The following NPAT variants were observed in gnomAD, a reference collection of about 807,000 sequenced individuals.
The protein encoded by NPAT is protein NPAT.
NPAT carries 52 observed loss-of-function variants against 130.7 expected under a neutral mutation model. The ratio of observed to expected loss-of-function variants is 0.40; its 90% CI spans 0.32 to 0.50. The LOEUF (loss-of-function observed/expected upper bound fraction) is 0.50, where lower values mean the gene tolerates loss of function less well. Among genes scored for constraint, NPAT ranks in the 20% least tolerant of loss-of-function variants. NPAT has a pLI of 0.68. For missense variants in NPAT, 1,687 were observed against 1,662.6 expected (o/e 1.01, Z -0.26); for synonymous variants, 580 against 584.8 (o/e 0.99, Z 0.12).
Position 108,186,588 on chromosome 11 carries a change from G to C in NPAT, c.639-19C>G. 1.3e-6 allele frequency: 2 copies of C among 1,597,172 alleles called. No individual in the cohort carries two copies. Among genetic ancestry groups the C allele is most frequent in the African/African-American group, 1.3e-5 (1 of 74,672 alleles). On this transcript the variant is annotated intron_variant, in intron 7 of 17. Transcript: ENST00000278612. ...AGATTCACTGAAACACATTTTAAAA[G>C]CTTTTCTTTTAACCACTATATTTAA...
At chr11:108,188,404 CA>C (rs1214840092) in intron 6 of NPAT, among the ~76,000 whole-genome samples, 1 of 151,828 alleles carries the variant, frequency 6.6e-6, no homozygotes, top group African/African-American at 2.4e-5. Flanking sequence ...ATAGTCTCAA[CA>C]AAAAATAATA....
chr11:108,222,205 C>T (rs2078520478), intron 1 of NPAT, among the ~76,000 whole-genome samples: 1 of 152,158 alleles, frequency 6.6e-6, no homozygotes, highest in East Asian at 1.9e-4. Flanking sequence ...TTTCAGGGGT[C>T]CTAATTAAGT....
chr11:108,194,138 G>A (rs1446682688), intron 2 of NPAT, 121 bp from the exon 3 acceptor site: 1 of 633,768 alleles, frequency 1.6e-6, no homozygotes, highest in Non-Finnish European at 2.8e-6. Context: ...GATGAGGAAA[G>A]GGTAAAGAAG....
intron 10 of NPAT, among the ~76,000 whole-genome samples, chr11:108,184,628 T>C (rs903486278): frequency 1.3e-5 from 2 of 152,142 alleles, no homozygotes; most frequent in African/African-American, 4.8e-5. Context: ...CCCTCCCAGA[T>C]TCAAGGATTC....
In NPAT at chr11:108,172,277, G is replaced by C. The variant is rs370029607; in HGVS notation, c.2707C>G (p.Pro903Ala). ...NSAPMTAQPL[P>A]PQLQTPPRSN... Reference sequence around the variant, plus strand: ...CTTGGTGGTGTCTGTAACTGAGGTGGTAGAGGTTGAGCAGTCATAGGTGCA... The same window carrying C: ...CTTGGTGGTGTCTGTAACTGAGGTGCTAGAGGTTGAGCAGTCATAGGTGCA... Residue 903 changes from proline (P) to alanine (A), a missense_variant, in exon 13 of 18, where the codon CCA becomes GCA. Around this residue, in one of 3 missense-constraint regions of NPAT, gnomAD observed 1,379 missense variants for 1,346.6 expected, o/e 1.02. Transcript: ENST00000278612. The C allele has an allele frequency of 3.5e-5, 57 of 1,613,886 alleles. No homozygotes were observed. Among genetic ancestry groups the C allele is most frequent in the Non-Finnish European group, 4.8e-5 (57 of 1,179,854 alleles).
intron 10 of NPAT, among the ~76,000 whole-genome samples, chr11:108,181,283 G>C (rs1451951267): frequency 6.6e-6 from 1 of 152,168 alleles, no homozygotes; most frequent in Non-Finnish European, 1.5e-5. Context: ...GGCCGACATG[G>C]CAAAACCCTG....
In NPAT at chr11:108,222,616, C is replaced by A; in HGVS notation, c.-80G>T. On this transcript the variant is annotated 5_prime_UTR_variant, in exon 1 of 18. Coordinates refer to ENST00000278612, the MANE Select transcript of NPAT (RefSeq NM_002519.3). ...CACAGCGACAGCTCCTGCGCCGCAT[C>A]TCCTGGTTCCAGTGGCGGCACTGAA... 6.6e-7 allele frequency: 1 copy of A among 1,508,190 alleles called. No individual in the cohort carries two copies. The highest frequency in any genetic ancestry group is 1.4e-5 in the African/African-American group (1 of 72,942). 93.4% of individuals were successfully genotyped at this position (1,508,190 alleles called of 1,614,324 possible). A position where few individuals can be genotyped will look rare whatever the true frequency, so the allele number is the denominator to read the frequency against.
chr11:108,188,331 A>G, intron 6 of NPAT, 152 bp from the exon 7 acceptor site: 2 of 667,718 alleles, frequency 3.0e-6, no homozygotes, highest in Non-Finnish European at 5.3e-6. Context: ...GGTAAAAGAC[A>G]CTAAGATTAA....
chr11:108,217,455 CAGTT>C (rs1461570797), intron 1 of NPAT, among the ~76,000 whole-genome samples: 1 of 152,054 alleles, frequency 6.6e-6, no homozygotes, highest in Non-Finnish European at 1.5e-5. Context: ...TTGTATATAT[CAGTT>C]AGCCTATGGT....
chr11:108,175,488 T>G (rs1283173083), intron 12 of NPAT, among the ~76,000 whole-genome samples: 1 of 152,220 alleles, frequency 6.6e-6, no homozygotes, highest in Admixed American at 6.5e-5. Context: ...AGTTCCTCAG[T>G]GAAGTAGGAT....
intron 11 of NPAT, 72 bp from the exon 12 acceptor site, chr11:108,176,446 T>C (rs1591393389): frequency 2.7e-6 from 3 of 1,121,974 alleles, no homozygotes; most frequent in East Asian, 2.4e-5. Context: ...TACAGCTTGT[T>C]GGTGATTACG....
intron 1 of NPAT, among the ~76,000 whole-genome samples, chr11:108,206,691 G>C (rs777367178): frequency 6.6e-6 from 1 of 152,196 alleles, no homozygotes; most frequent in Non-Finnish European, 1.5e-5. Context: ...TGGTGAGCAA[G>C]GGGGCATGTT....
Position 108,160,971 on chromosome 11 carries a change from A to T in NPAT, c.4115T>A (p.Ile1372Asn). ...SSRSTTKKRK[I>N]EELDERERNS... is the part of the protein sequence containing the mutation. ...TCGCTCACGTTCATCTAATTCCTCAATTTTCCGCTTTTTTGTGGTGCTCCT... is the reference window on the plus strand; with the variant it reads ...TCGCTCACGTTCATCTAATTCCTCATTTTTCCGCTTTTTTGTGGTGCTCCT... The change falls in exon 17 of 18, where the codon ATT becomes AAT. Residue 1372 changes from isoleucine (I) to asparagine (N), a missense_variant. Around this residue, in one of 3 missense-constraint regions of NPAT, gnomAD observed 1,379 missense variants for 1,346.6 expected, o/e 1.02. Transcript: ENST00000278612. The T allele has an allele frequency of 1.2e-6, 2 of 1,613,944 alleles. No individual in the cohort carries two copies. Among genetic ancestry groups the T allele is most frequent in the Non-Finnish European group, 1.7e-6 (2 of 1,180,004 alleles).
intron 1 of NPAT, among the ~76,000 whole-genome samples, chr11:108,218,465 T>A (rs2078455042): frequency 1.3e-5 from 2 of 152,240 alleles, no homozygotes; most frequent in African/African-American, 4.8e-5. Context: ...AGTAATTTAA[T>A]GTTCGTTAAG....
rs750254457 is a variant in NPAT at position 108,161,009 on chromosome 11, A to G, written c.4077T>C (p.Phe1359=). Residue 1359 remains phenylalanine (F), a synonymous_variant, in exon 17 of 18, where the codon TTT becomes TTC. Transcript: ENST00000278612. ...ATPLKDNTQQ[F]RASSRSTTKK... is the part of the protein sequence containing the mutation. ...TTGTGGTGCTCCTTGAAGATGCTCT[A>G]AACTGTTGTGTGTTATCTTTCAGAG... 8.7e-6 allele frequency: 14 copies of G among 1,614,124 alleles called. No individual in the cohort carries two copies. Among genetic ancestry groups the G allele is most frequent in the Non-Finnish European group, 1.2e-5 (14 of 1,180,014 alleles).
intron 1 of NPAT, among the ~76,000 whole-genome samples, chr11:108,197,723 G>A (rs1053907190): frequency 1.3e-5 from 2 of 152,204 alleles, no homozygotes; most frequent in Non-Finnish European, 2.9e-5. Flanking sequence ...AAATAACTAT[G>A]TCCCTCTACT....
At chr11:108,192,283 A>C in intron 3 of NPAT, 93 bp from the exon 4 acceptor site, 2 of 818,926 alleles carry the variant, frequency 2.4e-6, no homozygotes, top group Non-Finnish European at 4.3e-6. Flanking sequence ...CTTGTCTCTC[A>C]ATTATTGACA....
At chr11:108,190,568 T>A in intron 4 of NPAT, 68 bp from the exon 5 acceptor site, 2 of 1,397,106 alleles carry the variant, frequency 1.4e-6, no homozygotes, top group Non-Finnish European at 1.0e-6. Context: ...ATGATTTAGT[T>A]ACAGTCAGAC....
chr11:108,197,485 T>A, intron 1 of NPAT, 65 bp from the exon 2 acceptor site: 1 of 1,005,910 alleles, frequency 9.9e-7, no homozygotes, highest in Non-Finnish European at 1.6e-6. Flanking sequence ...AAACTGCTAT[T>A]GAAAATGCTG....
Sources: gnomAD v4.1 joint callset for allele counts (sites outside exome capture counted in the v4.1 genomes callset) on GRCh38, gnomAD v4.1.1 for gene constraint, gnomAD v4.1.1 regional missense constraint, MANE v1.5 for transcripts, NCBI Gene and HGNC (gene_info 2026-07-23, HGNC 2026-07-21) for gene names.